The following DCAF5 variants were observed in gnomAD, a reference collection of about 807,000 sequenced individuals.
DCAF5 encodes DDB1 and CUL4 associated factor 5.
DCAF5 carries 9 observed loss-of-function variants against 80.7 expected under a neutral mutation model. That is an observed-to-expected ratio of 0.11 (90% CI 0.07 to 0.19). The LOEUF (loss-of-function observed/expected upper bound fraction) is 0.19, where lower values mean the gene tolerates loss of function less well. DCAF5 is among the 10% of genes least tolerant of loss of function. DCAF5 has a pLI of 1.00. For missense variants in DCAF5, 842 were observed against 1,205.7 expected (o/e 0.70, Z 4.47); for synonymous variants, 433 against 461.9 (o/e 0.94, Z 0.80).
Position 69,152,697 on chromosome 14 carries a change from G to C in DCAF5, c.214+68C>G. Reference sequence around the variant, plus strand: ...GACAGAGGGCAGGAGGAGGGTGACGGGGGAGAGCGAGAGGGGGAGGCTGGG... The same window carrying C: ...GACAGAGGGCAGGAGGAGGGTGACGCGGGAGAGCGAGAGGGGGAGGCTGGG... On this transcript the variant is annotated intron_variant, in intron 1 of 8. Transcript: ENST00000341516. This position sits in a 1 kb window ranked among gnomAD's most constrained non-coding sequence, Gnocchi z 4.1. 8.1e-7 allele frequency: 1 copy of C among 1,232,024 alleles called. No homozygotes were observed. The highest frequency in any genetic ancestry group is 1.5e-5 in the African/African-American group (1 of 67,830). 76.3% of individuals were successfully genotyped at this position (1,232,024 alleles called of 1,614,324 possible). A position where few individuals can be genotyped will look rare whatever the true frequency, so the allele number is the denominator to read the frequency against.
At position 69,055,787 on chromosome 14, in the gene DCAF5, A is replaced by G. The variant is rs894532298; in HGVS notation, c.1075-176T>C. Among the ~76,000 whole-genome samples, 1 of 152,202 alleles carries G rather than the reference A, an allele frequency of 6.6e-6. No individual in the cohort carries two copies. The highest frequency in any genetic ancestry group is 2.4e-5 in the African/African-American group (1 of 41,450). On this transcript the variant is annotated intron_variant, in intron 8 of 8. Transcript: ENST00000341516. This position sits in a 1 kb window ranked among gnomAD's most constrained non-coding sequence, Gnocchi z 5.6. The stretch of plus-strand genomic sequence containing the variant: ...CCAGACTGGATCATGTGGGTTATGT[A>G]TGAAAACTGAGGTTTTTAGAATCAG...
intron 1 of DCAF5, among the ~76,000 whole-genome samples, chr14:69,125,652 C>T (rs778600582): frequency 6.6e-6 from 1 of 152,078 alleles, no homozygotes; most frequent in African/African-American, 2.4e-5. Flanking sequence ...AACCTATATA[C>T]AACATAAATA....
chr14:69,084,873 A>G, intron 6 of DCAF5: 1 of 1,244,478 alleles, frequency 8.0e-7, no homozygotes, highest in Non-Finnish European at 1.2e-6. Flanking sequence ...TGGATTGTTC[A>G]GTATGACCCT....
Position 69,119,067 on chromosome 14 carries a change from G to A in DCAF5, c.395+127C>T, listed in dbSNP as rs1271994794. The stretch of plus-strand genomic sequence containing the variant: ...TCAAACTATTGTAGGAATTTTTTTA[G>A]AAAAGAACAGCTGGTTTCATGTTGT... On this transcript the variant is annotated intron_variant, in intron 3 of 8. Transcript: ENST00000341516. 5.2e-5 allele frequency: 44 copies of A among 848,336 alleles called. 1 individual carries two copies. The highest frequency in any genetic ancestry group is 3.3e-5 in the Non-Finnish European group (19 of 578,680). 52.6% of individuals were successfully genotyped at this position (848,336 alleles called of 1,614,324 possible).
intron 5 of DCAF5, among the ~76,000 whole-genome samples, chr14:69,093,969 C>T (rs1246592588): frequency 6.6e-6 from 1 of 152,162 alleles, no homozygotes; most frequent in Non-Finnish European, 1.5e-5. Context: ...TTGTTAGAGA[C>T]CAGGCATTTC....
chr14:69,140,638 C>CA (rs1198719112), intron 1 of DCAF5, among the ~76,000 whole-genome samples: 30 of 151,156 alleles, frequency 2.0e-4, no homozygotes, highest in Admixed American at 1.3e-3. Context: ...ACTGTAAAAA[C>CA]AAAAAAAAGT....
chr14:69,145,438 C>G (rs928321972), intron 1 of DCAF5, among the ~76,000 whole-genome samples: 4 of 152,102 alleles, frequency 2.6e-5, no homozygotes, highest in Non-Finnish European at 5.9e-5. Context: ...TTTAAATATT[C>G]ACTCAAAGAT....
chr14:69,096,303 C>T (rs1365698195), intron 5 of DCAF5, among the ~76,000 whole-genome samples: 2 of 152,190 alleles, frequency 1.3e-5, no homozygotes, highest in African/African-American at 4.8e-5. Flanking sequence ...CCAGAACTGT[C>T]GGACAACCAA....
chr14:69,087,194 T>C lies in DCAF5; in HGVS notation c.879+4480A>G, dbSNP rs141665497. Among the ~76,000 whole-genome samples, 653 of 152,298 alleles carry C rather than the reference T, an allele frequency of 4.3e-3. 6 individuals carry two copies. The highest frequency in any genetic ancestry group is 0.027 in the Middle Eastern group (8 of 294). Reference sequence around the variant, plus strand: ...AAGGAACAAGAGCCAAGTGCTGTCTTATATGTGCATGCCAGAAAAGCCAGC... The same window carrying C: ...AAGGAACAAGAGCCAAGTGCTGTCTCATATGTGCATGCCAGAAAAGCCAGC... On this transcript the variant is annotated intron_variant, in intron 6 of 8. Transcript: ENST00000341516.
chr14:69,075,378 A>G lies in DCAF5; in HGVS notation c.913T>C (p.Tyr305His). ...ILSGSDDFNL[Y>H]MWRIPADPEA... ...GGATCTGCAGGAATTCTCCACATGTACAGGTTGAAGTCATCAGAGCCCGAA... is the reference window on the plus strand; with the variant it reads ...GGATCTGCAGGAATTCTCCACATGTGCAGGTTGAAGTCATCAGAGCCCGAA... The change falls in exon 7 of 9, where the codon TAC becomes CAC. Residue 305 changes from tyrosine to histidine, a missense_variant. Tyr to His is a moderately conservative substitution (Grantham distance 83). Around this residue, in one of 5 missense-constraint regions of DCAF5, gnomAD observed 65 missense variants for 191.3 expected, o/e 0.34. Transcript: ENST00000341516. 1 of 1,605,340 alleles carries G rather than the reference A, an allele frequency of 6.2e-7. No homozygotes were observed. The highest frequency in any genetic ancestry group is 8.5e-7 in the Non-Finnish European group (1 of 1,174,080).
chr14:69,093,660 C>T (rs1267651655), intron 5 of DCAF5, among the ~76,000 whole-genome samples: 1 of 152,146 alleles, frequency 6.6e-6, no homozygotes, highest in African/African-American at 2.4e-5. Flanking sequence ...CAGCCTGTAC[C>T]AACACCAGCC....
At chr14:69,100,406 C>A (rs896450200) in intron 5 of DCAF5, among the ~76,000 whole-genome samples, 1 of 152,138 alleles carries the variant, frequency 6.6e-6, no homozygotes, top group Non-Finnish European at 1.5e-5. Flanking sequence ...GGTACAAATG[C>A]TAAATTTGAA....
chr14:69,085,233 C>T, intron 6 of DCAF5: 6 of 710,368 alleles, frequency 8.4e-6, no homozygotes, highest in South Asian at 7.2e-5. Context: ...AGGTGCCTCC[C>T]TTTGTTGATC....
At chr14:69,143,098 T>C (rs1445298949) in intron 1 of DCAF5, among the ~76,000 whole-genome samples, 2 of 152,152 alleles carry the variant, frequency 1.3e-5, no homozygotes, top group African/African-American at 4.8e-5. Context: ...GAGAAGTAAG[T>C]ACTGTGGCTG....
intron 6 of DCAF5, among the ~76,000 whole-genome samples, chr14:69,086,735 G>A (rs767999304): frequency 6.6e-6 from 1 of 152,108 alleles, no homozygotes; most frequent in Non-Finnish European, 1.5e-5. Flanking sequence ...ACCCAGAGAG[G>A]TTGAGTGGTG....
intron 1 of DCAF5, among the ~76,000 whole-genome samples, chr14:69,130,183 A>T (rs2040999749): frequency 1.3e-5 from 2 of 152,228 alleles, no homozygotes; most frequent in Non-Finnish European, 2.9e-5. Context: ...GTTTCCTCAA[A>T]AGCCAGCCAA....
chr14:69,062,431 GA>G lies in DCAF5; in HGVS notation c.1026del (p.His344ThrfsTer4), dbSNP rs769527719. 6.2e-7 allele frequency: 1 copy of G among 1,613,910 alleles called. No individual in the cohort carries two copies. The highest frequency in any genetic ancestry group is 1.3e-5 in the African/African-American group (1 of 74,926). ...HRSIVNQVRF[N>X]PHTYMICSSG... ...GAAGAGCAGATCATGTAGGTGTGGG[GA>G]TTAAATCGGACTTGGTTAACAATAG... On this transcript the variant is annotated frameshift_variant, in exon 8 of 9. Coordinates refer to ENST00000341516, the MANE Select transcript of DCAF5 (RefSeq NM_003861.3). LOFTEE classifies it high-confidence loss of function.
intron 6 of DCAF5, among the ~76,000 whole-genome samples, chr14:69,079,612 CTGACTA>C (rs997993245): frequency 2.9e-4 from 44 of 152,278 alleles, no homozygotes; most frequent in African/African-American, 9.9e-4. Context: ...TGGGATACTG[CTGACTA>C]TAAGGACAGA....
chr14:69,053,808 T>C lies in DCAF5; in HGVS notation c.*49A>G. The C allele has an allele frequency of 6.6e-7, 1 of 1,522,928 alleles. No individual in the cohort carries two copies. Among genetic ancestry groups the C allele is most frequent in the Non-Finnish European group, 8.7e-7 (1 of 1,144,684 alleles). 94.3% of individuals were successfully genotyped at this position (1,522,928 alleles called of 1,614,324 possible). ...CTCTGTATTCACTAAACAATTTTTTTTTTTTTGTAAGGCTACTTTTGTAGC... is the reference window on the plus strand; with the variant it reads ...CTCTGTATTCACTAAACAATTTTTTCTTTTTTGTAAGGCTACTTTTGTAGC... On this transcript the variant is annotated 3_prime_UTR_variant, in exon 9 of 9. Coordinates refer to ENST00000341516, the MANE Select transcript of DCAF5 (RefSeq NM_003861.3).
Sources: gnomAD v4.1 joint callset for allele counts (sites outside exome capture counted in the v4.1 genomes callset) on GRCh38, gnomAD v4.1.1 for gene constraint, gnomAD v4.1.1 regional missense constraint, Gnocchi (gnomAD v3.1) non-coding constraint, MANE v1.5 for transcripts, NCBI Gene and HGNC (gene_info 2026-07-23, HGNC 2026-07-21) for gene names.